The following AOPEP variants were observed in gnomAD, a reference collection of about 807,000 sequenced individuals.
The protein encoded by AOPEP is aminopeptidase O.
In AOPEP, 77 loss-of-function variants were observed where a neutral mutation model predicts 98.1. The ratio of observed to expected loss-of-function variants is 0.78; its 90% confidence interval spans 0.65 to 0.95. The LOEUF is 0.95. Ranked by LOEUF, AOPEP falls within the 40% of genes least tolerant of loss-of-function variation. The pLI is 0.00. For missense variants in AOPEP, 1,024 were observed against 1,024.7 expected (o/e 1.00, Z 0.01); for synonymous variants, 346 against 365.3 (o/e 0.95, Z 0.60).
At chr9:94,814,270 G>A (rs1293651663) in intron 5 of AOPEP, among the ~76,000 whole-genome samples, 2 of 152,204 alleles carry the variant, frequency 1.3e-5, no homozygotes, top group African/African-American at 4.8e-5. Flanking sequence ...CTGTACTCAG[G>A]AAAGTTCTGA....
the AOPEP span, chr9:95,117,240 G>T: frequency 1.5e-6 from 2 of 1,299,122 alleles, no homozygotes; most frequent in Non-Finnish European, 2.2e-6. Flanking sequence ...ATAAGGGCCT[G>T]ATGAGGAGGT....
intron 5 of AOPEP, among the ~76,000 whole-genome samples, chr9:94,918,971 A>G (rs2053211560): frequency 6.6e-6 from 1 of 151,688 alleles, no homozygotes; most frequent in South Asian, 2.1e-4. Flanking sequence ...GCTGGAGTGC[A>G]ATGGTGCAAT....
intron 1 of AOPEP, among the ~76,000 whole-genome samples, chr9:94,738,128 G>A (rs1832186209): frequency 6.6e-6 from 1 of 152,188 alleles, no homozygotes; most frequent in Non-Finnish European, 1.5e-5. Flanking sequence ...TGTACTTCAT[G>A]TACCTAGCCT....
intron 5 of AOPEP, among the ~76,000 whole-genome samples, chr9:94,851,507 A>G (rs1052051784): frequency 1.3e-5 from 2 of 151,842 alleles, no homozygotes; most frequent in African/African-American, 2.4e-5. Context: ...TTTGGGCTGG[A>G]TGATTCCCTC....
the AOPEP span, among the ~76,000 whole-genome samples, chr9:95,092,387 G>A: frequency 6.7e-6 from 1 of 148,978 alleles, no homozygotes; most frequent in Non-Finnish European, 1.5e-5. Context: ...GGGGCCTGGG[G>A]GCGGGCCTGG....
chr9:95,095,915 G>T, the AOPEP span, among the ~76,000 whole-genome samples: 1 of 152,238 alleles, frequency 6.6e-6, no homozygotes, highest in East Asian at 1.9e-4. Flanking sequence ...GAGGAACAAA[G>T]AAGTTCTAAA....
chr9:95,079,101 C>G (rs977468720), intron 14 of AOPEP, among the ~76,000 whole-genome samples: 12 of 152,236 alleles, frequency 7.9e-5, no homozygotes, highest in Admixed American at 1.3e-4. Context: ...CACTTCAGCA[C>G]TTCAAAGGGC....
At chr9:94,778,687 G>A (rs961211328) in intron 3 of AOPEP, among the ~76,000 whole-genome samples, 1 of 152,134 alleles carries the variant, frequency 6.6e-6, no homozygotes, top group Non-Finnish European at 1.5e-5. Flanking sequence ...TAATGATTAT[G>A]TAAGTGTGTT....
intron 11 of AOPEP, among the ~76,000 whole-genome samples, chr9:94,993,494 T>G (rs2061022431): frequency 6.6e-6 from 1 of 152,218 alleles, no homozygotes; most frequent in South Asian, 2.1e-4. Context: ...CGCTGCATAT[T>G]TTATAGCAAA....
At chr9:94,983,737 TG>T (rs1207367247) in intron 11 of AOPEP, among the ~76,000 whole-genome samples, 1 of 152,176 alleles carries the variant, frequency 6.6e-6, no homozygotes, top group Non-Finnish European at 1.5e-5. Context: ...TCCATCAGCC[TG>T]CCTTTGTGCA....
the AOPEP span, among the ~76,000 whole-genome samples, chr9:95,133,000 T>C: frequency 1.3e-5 from 2 of 152,250 alleles, no homozygotes; most frequent in African/African-American, 4.8e-5. Flanking sequence ...TCTAATGTAA[T>C]AGGCATCAGG....
intron 5 of AOPEP, among the ~76,000 whole-genome samples, chr9:94,821,274 C>T (rs1267812711): frequency 2.6e-5 from 4 of 152,140 alleles, no homozygotes; most frequent in African/African-American, 9.7e-5. Context: ...AGCGTTCACC[C>T]CACAGTTTCA....
chr9:95,060,632 T>G, intron 13 of AOPEP, 62 bp from the exon 14 acceptor site: 5 of 1,064,990 alleles, frequency 4.7e-6, no homozygotes, highest in Non-Finnish European at 7.4e-6. Flanking sequence ...AGTCTGAACA[T>G]TTGGGTGTTG....
intron 5 of AOPEP, among the ~76,000 whole-genome samples, chr9:94,821,970 A>AACACACACACACACAC (rs34645632): frequency 3.3e-4 from 46 of 141,460 alleles, no homozygotes; most frequent in Non-Finnish European, 5.9e-4. Flanking sequence ...TGTGTGTGTA[A>AACACACACACACACAC]ACACACACAC....
At chr9:94,865,172 G>C (rs1197804880) in intron 5 of AOPEP, among the ~76,000 whole-genome samples, 1 of 152,058 alleles carries the variant, frequency 6.6e-6, no homozygotes, top group Non-Finnish European at 1.5e-5. Context: ...CTAGAGAATG[G>C]TTCTGGATTT....
At chr9:94,729,657 G>T (rs913588726) in intron 1 of AOPEP, among the ~76,000 whole-genome samples, 5 of 152,076 alleles carry the variant, frequency 3.3e-5, no homozygotes, top group African/African-American at 1.2e-4. Flanking sequence ...TCTCTGCTGT[G>T]GGGGGCTGTC....
At chr9:94,772,472 T>G (rs1841109485) in intron 2 of AOPEP, among the ~76,000 whole-genome samples, 1 of 152,228 alleles carries the variant, frequency 6.6e-6, no homozygotes, top group South Asian at 2.1e-4. Context: ...GCCCCTGTTC[T>G]TGGCCTCCAC....
chr9:95,142,127 G>C, the AOPEP span, among the ~76,000 whole-genome samples: 5 of 151,572 alleles, frequency 3.3e-5, no homozygotes, highest in South Asian at 2.1e-4. Flanking sequence ...TGAGTAGCTG[G>C]GACTACAGGC....
intron 7 of AOPEP, among the ~76,000 whole-genome samples, chr9:94,943,947 A>AC (rs1662194966): frequency 1.3e-5 from 2 of 150,056 alleles, no homozygotes; most frequent in Non-Finnish European, 2.9e-5. Flanking sequence ...AAAAAAAAAA[A>AC]CAGGTCAATC....
Sources: gnomAD v4.1 joint callset for allele counts (sites outside exome capture counted in the v4.1 genomes callset) on GRCh38, gnomAD v4.1.1 for gene constraint, MANE v1.5 for transcripts, NCBI Gene and HGNC (gene_info 2026-07-23, HGNC 2026-07-21) for gene names.